Variants in GGT7 observed in about 807,000 individuals in gnomAD.
GGT7 encodes the protein gamma-glutamyltransferase 7, also known as glutathione hydrolase 7.
A neutral mutation model predicts 69.2 loss-of-function variants in GGT7; 30 were observed. The observed-to-expected ratio is 0.43, with a 90% CI of 0.32 to 0.59. The LOEUF (loss-of-function observed/expected upper bound fraction) is 0.59. Ranked by LOEUF, GGT7 falls within the 20% of genes least tolerant of loss-of-function variation. The pLI is 0.05. For missense variants in GGT7, 733 were observed against 901.1 expected (o/e 0.81, Z 2.39); for synonymous variants, 388 against 391.8 (o/e 0.99, Z 0.12).
rs996247460 is a variant in GGT7, at chr20:34,863,242, C to T, written c.405+71G>A. On this transcript the variant is annotated intron_variant, in intron 2 of 14. Transcript: ENST00000336431. This position sits in a 1 kb window ranked among gnomAD's most constrained non-coding sequence, Gnocchi z 4.4. ...CTACCACTCAGCCATTCCCCAGTTT[C>T]CACAGTTCCTCAAACATTACCCCAC... is the stretch of plus-strand genomic sequence containing the variant. 4 of 1,175,718 alleles carry T rather than the reference C, an allele frequency of 3.4e-6. No homozygotes were observed. In the African/African-American group the frequency reaches 6.1e-5, roughly 18 times the overall value. The allele number at this position is 1,175,718 out of a possible 1,614,324, so 72.8% of individuals were successfully genotyped here.
rs1343217569 is a variant in GGT7, at chr20:34,845,266, G to A, written c.*62C>T. 8 of 1,500,802 alleles carry A rather than the reference G, an allele frequency of 5.3e-6. No homozygotes were observed. The South Asian group carries it at 7.4e-5, about 14-fold the overall frequency. The allele number at this position is 1,500,802 out of a possible 1,614,324, so 93.0% of individuals were successfully genotyped here. On this transcript the variant is annotated 3_prime_UTR_variant, in exon 15 of 15. Coordinates refer to ENST00000336431, the MANE Select transcript of GGT7 (RefSeq NM_178026.3). The stretch of plus-strand genomic sequence containing the variant: ...GGTCCCCCTGAGACCAAACCTGGGA[G>A]AAGGAGGGACTCTGGGAACATGCAA...
rs1158315399 is a variant in GGT7, at chr20:34,862,839, C to A, written c.532G>T (p.Ala178Ser). Residue 178 changes from alanine (A) to serine (S), a missense_variant, in exon 3 of 15, where the codon GCT (alanine) becomes TCT (serine). Transcript: ENST00000336431. ...CCGCCCAGGCCAGAACTGTGTGGAGCCACGATACCCAAACACAAGGCTGCT... is the reference window on the plus strand; with the variant it reads ...CCGCCCAGGCCAGAACTGTGTGGAGACACGATACCCAAACACAAGGCTGCT... Reference protein sequence around the residue: ...VAAALCLGIVAPHSSGLGGGG... With the variant: ...VAAALCLGIVSPHSSGLGGGG... 3.7e-6 allele frequency: 6 copies of A among 1,614,080 alleles called. No homozygotes were observed. Among genetic ancestry groups the A allele is most frequent in the Non-Finnish European group, 5.1e-6 (6 of 1,180,024 alleles).
intron 5 of GGT7, 40 bp downstream of exon 5, chr20:34,860,214 G>T (rs757517380): frequency 6.8e-7 from 1 of 1,472,274 alleles, no homozygotes; most frequent in South Asian, 1.1e-5. Flanking sequence ...AAGGAGAGAT[G>T]CAAACGGGGG....
intron 7 of GGT7, among the ~76,000 whole-genome samples, chr20:34,858,727 TC>T (rs1397582805): frequency 2.0e-5 from 3 of 152,068 alleles, no homozygotes; most frequent in Non-Finnish European, 4.4e-5. Context: ...CTTCCCTCAG[TC>T]CCTAGAAAAC....
chr20:34,862,227 A>G (rs2079608813), intron 3 of GGT7, among the ~76,000 whole-genome samples: 1 of 152,232 alleles, frequency 6.6e-6, no homozygotes, highest in Non-Finnish European at 1.5e-5. Context: ...AACTTCAGCC[A>G]TGTGAGAATG....
At chr20:34,855,123 C>T (rs1379357387) in intron 8 of GGT7, among the ~76,000 whole-genome samples, 200 bp from the exon 9 acceptor site, 1 of 152,222 alleles carries the variant, frequency 6.6e-6, no homozygotes. Flanking sequence ...AGGACTTGAA[C>T]TCAGAACACT....
At chr20:34,861,780 CT>C (rs2079600550) in intron 3 of GGT7, among the ~76,000 whole-genome samples, 1 of 152,100 alleles carries the variant, frequency 6.6e-6, no homozygotes, top group South Asian at 2.1e-4. Context: ...GTCCATGGAC[CT>C]CTTCTATCCT....
intron 14 of GGT7, among the ~76,000 whole-genome samples, chr20:34,848,858 C>T (rs1004990580): frequency 6.6e-6 from 1 of 152,154 alleles, no homozygotes; most frequent in Non-Finnish European, 1.5e-5. Context: ...CTTTTGGACT[C>T]GTGTCATATT....
chr20:34,854,506 C>A (rs750140214), intron 10 of GGT7, 25 bp downstream of exon 10: 3 of 1,438,134 alleles, frequency 2.1e-6, no homozygotes, highest in East Asian at 4.5e-5. Context: ...GCCTCTGTAG[C>A]CCCCAGGTCC....
intron 8 of GGT7, among the ~76,000 whole-genome samples, chr20:34,855,862 C>A (rs917417954): frequency 6.6e-6 from 1 of 151,370 alleles, no homozygotes; most frequent in Non-Finnish European, 1.5e-5. Context: ...GTGGCACAAT[C>A]ATGCTTACTG....
intron 1 of GGT7, among the ~76,000 whole-genome samples, chr20:34,871,864 G>A (rs2044285343): frequency 6.6e-6 from 1 of 152,184 alleles, no homozygotes; most frequent in South Asian, 2.1e-4. Context: ...AAGAGCAGCA[G>A]GGAAGGAATG....
chr20:34,860,066 G>T, intron 5 of GGT7, 24 bp from the exon 6 acceptor site: 3 of 1,301,682 alleles, frequency 2.3e-6, no homozygotes, highest in Non-Finnish European at 3.3e-6. Context: ...AGAGCAGGGG[G>T]TGGAGGAGGT....
chr20:34,850,151 G>A, intron 13 of GGT7, 91 bp from the exon 14 acceptor site: 1 of 913,720 alleles, frequency 1.1e-6, no homozygotes, highest in Non-Finnish European at 1.8e-6. Context: ...AGGCTCCTTA[G>A]TCTTGAGAAT....
intron 4 of GGT7, among the ~76,000 whole-genome samples, chr20:34,860,637 C>CTTTTTTTTTTTTT (rs533561120): frequency 7.0e-5 from 8 of 113,872 alleles, no homozygotes; most frequent in African/African-American, 1.3e-4. Context: ...CAACCCCTGC[C>CTTTTTTTTTTTTT]TTTTTTTTTT....
intron 1 of GGT7, among the ~76,000 whole-genome samples, chr20:34,864,335 G>A (rs2079653826): frequency 6.6e-6 from 1 of 152,086 alleles, no homozygotes; most frequent in Non-Finnish European, 1.5e-5. Context: ...CCTAAAGTGG[G>A]AATGAGCTTG....
intron 14 of GGT7, among the ~76,000 whole-genome samples, chr20:34,846,889 T>C (rs2079313462): frequency 6.6e-6 from 1 of 152,146 alleles, no homozygotes; most frequent in South Asian, 2.1e-4. Context: ...CCAAACATGT[T>C]TCTACTTCAG....
At chr20:34,870,874 C>T (rs1374411093) in intron 1 of GGT7, among the ~76,000 whole-genome samples, 1 of 152,044 alleles carries the variant, frequency 6.6e-6, no homozygotes, top group African/African-American at 2.4e-5. Context: ...TCACTGTAAC[C>T]TCTGCCTCCC....
At chr20:34,850,836 A>T (rs748181859) in intron 13 of GGT7, 7 of 542,866 alleles carry the variant, frequency 1.3e-5, no homozygotes, top group South Asian at 9.8e-5. Flanking sequence ...ACATTCATGG[A>T]GCCATTCTGA....
At chr20:34,846,087 TGGAA>T (rs1007178995) in intron 14 of GGT7, among the ~76,000 whole-genome samples, 7 of 126,234 alleles carry the variant, frequency 5.5e-5, no homozygotes, top group South Asian at 2.9e-4. Flanking sequence ...AGAAAGAAAA[TGGAA>T]GGAAGGAAGG....
Sources: gnomAD v4.1 joint callset for allele counts (sites outside exome capture counted in the v4.1 genomes callset) on GRCh38, gnomAD v4.1.1 for gene constraint, Gnocchi (gnomAD v3.1) non-coding constraint, MANE v1.5 for transcripts, NCBI Gene and HGNC (gene_info 2026-07-23, HGNC 2026-07-21) for gene names.